TBL1XR1: variants seen among roughly 807,000 people sequenced by gnomAD.
TBL1XR1 encodes the protein TBL1X/Y related 1, also known as F-box-like/WD repeat-containing protein TBL1XR1.
In TBL1XR1, 5 loss-of-function variants were observed where a neutral mutation model predicts 66.9. That is an observed-to-expected ratio of 0.07 (90% confidence interval 0.04 to 0.16). The LOEUF is 0.16. TBL1XR1 is among the 10% of genes least tolerant of loss of function. The pLI is 1.00. For synonymous variants in TBL1XR1, 210 were observed against 206.0 expected (o/e 1.02, Z -0.17); for missense variants, 238 against 623.2 (o/e 0.38, Z 6.58).
chr3:177,025,152 C>A lies in TBL1XR1; in HGVS notation c.*346G>T. ...TGTCTGCTGATTCAAAGGGGAGAAA[C>A]AAGGCTGTCATTTAGTATCCAAAAA... On this transcript the variant is annotated 3_prime_UTR_variant, in exon 16 of 16. Transcript: ENST00000457928. 1 of 243,566 alleles carries A rather than the reference C, an allele frequency of 4.1e-6. No homozygotes were observed. The highest frequency in any genetic ancestry group is 5.5e-5 in the Admixed American group (1 of 18,088). 15.1% of individuals were successfully genotyped at this position (243,566 alleles called of 1,614,324 possible). A position where few individuals can be genotyped will look rare whatever the true frequency, so the allele number is the denominator to read the frequency against.
At chr3:177,058,919 AT>A (rs764602324) in intron 3 of TBL1XR1, among the ~76,000 whole-genome samples, 6 of 152,142 alleles carry the variant, frequency 3.9e-5, no homozygotes, top group Non-Finnish European at 7.4e-5. Flanking sequence ...AGAAAAACTT[AT>A]TTGGGAAAAA....
chr3:177,075,260 C>T (rs924782368), intron 2 of TBL1XR1, among the ~76,000 whole-genome samples: 4 of 152,206 alleles, frequency 2.6e-5, no homozygotes, highest in African/African-American at 9.7e-5. Flanking sequence ...CACATGGCCA[C>T]CTTGCTTTGT....
chr3:177,128,182 G>T (rs1727867596), intron 1 of TBL1XR1, among the ~76,000 whole-genome samples: 2 of 151,810 alleles, frequency 1.3e-5, no homozygotes, highest in South Asian at 4.1e-4. Context: ...TCACACCACT[G>T]CACTTCAGCC....
intron 1 of TBL1XR1, among the ~76,000 whole-genome samples, chr3:177,145,780 C>G (rs961182155): frequency 1.3e-5 from 2 of 152,108 alleles, no homozygotes; most frequent in Non-Finnish European, 2.9e-5. Flanking sequence ...GTAGATTAAC[C>G]CTCCCAATTT....
chr3:177,084,010 C>T (rs1285400738), intron 2 of TBL1XR1, among the ~76,000 whole-genome samples: 3 of 150,484 alleles, frequency 2.0e-5, no homozygotes, highest in African/African-American at 7.3e-5. Flanking sequence ...ATCATTTGAA[C>T]CCAGGAGGCG....
At chr3:177,181,061 A>G (rs1734761429) in intron 1 of TBL1XR1, among the ~76,000 whole-genome samples, 1 of 152,026 alleles carries the variant, frequency 6.6e-6, no homozygotes, top group Admixed American at 6.6e-5. Context: ...GGATATTTTC[A>G]TCAGTGAGCT....
chr3:177,030,081 A>G (rs768229465), intron 14 of TBL1XR1, among the ~76,000 whole-genome samples: 6 of 151,928 alleles, frequency 3.9e-5, no homozygotes, highest in Non-Finnish European at 7.4e-5. Context: ...CTTACAGGAT[A>G]TGCTATGCAC....
chr3:177,096,423 G>A (rs190017013), intron 2 of TBL1XR1, among the ~76,000 whole-genome samples: 19 of 152,032 alleles, frequency 1.2e-4, no homozygotes, highest in Admixed American at 1.2e-3. Flanking sequence ...ACATGTTTGG[G>A]ATGATCTAAT....
chr3:177,199,592 A>T (rs74796373), upstream of TBL1XR1, among the ~76,000 whole-genome samples: 22 of 152,194 alleles, frequency 1.4e-4, no homozygotes, highest in East Asian at 4.1e-3. Context: ...GGACTTCTCA[A>T]CCATACCATT....
chr3:177,026,090 T>C (rs1713084131), intron 15 of TBL1XR1: 1 of 420,612 alleles, frequency 2.4e-6, no homozygotes, highest in South Asian at 3.2e-5. Flanking sequence ...TCAATCCTTC[T>C]CAGAATGTTC....
upstream of TBL1XR1, among the ~76,000 whole-genome samples, chr3:177,199,880 A>G (rs1273357904): frequency 6.6e-6 from 1 of 152,202 alleles, no homozygotes. Flanking sequence ...TATGAAGATC[A>G]TCGAGGCTGG....
At chr3:177,104,127 A>AG (rs1271664762) in intron 1 of TBL1XR1, among the ~76,000 whole-genome samples, 1 of 82,666 alleles carries the variant, frequency 1.2e-5, no homozygotes, top group East Asian at 4.5e-4. Context: ...AAAAAAAAAA[A>AG]AAAGAGAGAG....
chr3:177,193,569 A>G (rs566207197), intron 1 of TBL1XR1, among the ~76,000 whole-genome samples: 2 of 152,306 alleles, frequency 1.3e-5, no homozygotes, highest in South Asian at 4.1e-4. Context: ...TTGGCCTTCC[A>G]AAGTGCTTGG....
Position 177,140,956 on chromosome 3 carries a change from ATTC to A in TBL1XR1, c.-121-42418_-121-42416del, listed in dbSNP as rs1016288350. On this transcript the variant is annotated intron_variant, in intron 1 of 15. Transcript: ENST00000457928. ...TGTATATTATATATGGCCCAAGACA[ATTC>A]TTCTTCTTCCATTGTGGCCCAGGGA... Among the ~76,000 whole-genome samples the A allele has an allele frequency of 2.0e-4, 31 of 152,276 alleles. 1 individual carries two copies. The highest frequency in any genetic ancestry group is 7.5e-4 in the African/African-American group (31 of 41,560).
At chr3:177,049,418 G>C (rs934866461) in intron 7 of TBL1XR1, among the ~76,000 whole-genome samples, 1 of 152,172 alleles carries the variant, frequency 6.6e-6, no homozygotes, top group Non-Finnish European at 1.5e-5. Context: ...GTAAGTCACA[G>C]TAGTCAAGTT....
intron 1 of TBL1XR1, among the ~76,000 whole-genome samples, chr3:177,154,471 A>T (rs1368081291): frequency 1.3e-5 from 2 of 151,986 alleles, no homozygotes; most frequent in Admixed American, 1.3e-4. Flanking sequence ...ATCTCAGCTC[A>T]CTGCAACTTG....
At chr3:177,108,751 A>G (rs555615192) in intron 1 of TBL1XR1, among the ~76,000 whole-genome samples, 3 of 152,330 alleles carry the variant, frequency 2.0e-5, no homozygotes, top group Admixed American at 6.5e-5. Flanking sequence ...AAAAAATACT[A>G]ATGGTATTTT....
chr3:177,097,013 C>T lies in TBL1XR1; in HGVS notation c.-46+1453G>A, dbSNP rs1043398118. Reference sequence around the variant, plus strand: ...AAAGGAGGAGGTCAACCTTTTTTCCCCAATAGGAATTCAGAAGAGTTTAAA... The same window carrying T: ...AAAGGAGGAGGTCAACCTTTTTTCCTCAATAGGAATTCAGAAGAGTTTAAA... On this transcript the variant is annotated intron_variant, in intron 2 of 15. Transcript: ENST00000457928. Among the ~76,000 whole-genome samples the T allele has an allele frequency of 2.5e-4, 38 of 151,904 alleles. 1 individual carries two copies. Among genetic ancestry groups the T allele is most frequent in the Non-Finnish European group, 3.1e-4 (21 of 67,970 alleles).
intron 4 of TBL1XR1, 133 bp from the exon 5 acceptor site, chr3:177,051,859 A>G (rs1717132800): frequency 5.2e-6 from 6 of 1,149,296 alleles, no homozygotes; most frequent in Admixed American, 3.2e-5. Flanking sequence ...CTGAATTCAT[A>G]TAAGAAGTCC....
Sources: gnomAD v4.1 joint callset for allele counts (sites outside exome capture counted in the v4.1 genomes callset) on GRCh38, gnomAD v4.1.1 for gene constraint, MANE v1.5 for transcripts, NCBI Gene and HGNC (gene_info 2026-07-23, HGNC 2026-07-21) for gene names.